TEX14: variants seen among roughly 807,000 people sequenced by gnomAD.
TEX14 encodes the protein inactive serine/threonine-protein kinase TEX14.
In TEX14, 168 loss-of-function variants were observed where a neutral mutation model predicts 178.6. That is an observed-to-expected ratio of 0.94 (90% CI 0.83 to 1.07). The LOEUF (loss-of-function observed/expected upper bound fraction) is 1.07, where lower values mean the gene tolerates loss of function less well. Among genes scored for constraint, TEX14 ranks in the 50% least tolerant of loss-of-function variants. TEX14 has a pLI of 0.00. For synonymous variants in TEX14, 626 were observed against 634.1 expected, an observed-to-expected ratio of 0.99 and a Z score of 0.19; for missense variants, 1,730 against 1,753.6, an observed-to-expected ratio of 0.99 and a Z score of 0.24.
intron 1 of TEX14, chr17:58,661,139 G>T (rs755182176): frequency 2.4e-6 from 2 of 842,862 alleles, no homozygotes; most frequent in Non-Finnish European, 4.2e-6. Flanking sequence ...TCTTTGAGAT[G>T]CCATAGCAAC....
chr17:58,577,351 G>A (rs369973084), intron 21 of TEX14, 24 bp downstream of exon 21: 23 of 1,061,528 alleles, frequency 2.2e-5, no homozygotes, highest in Non-Finnish European at 2.7e-5. Context: ...GTTTGAAACT[G>A]CATAAGATAA....
Position 58,673,622 on chromosome 17 carries a change from C to T in TEX14, c.-2+18317G>A, listed in dbSNP as rs547490690. Among the ~76,000 whole-genome samples, 6 of 152,146 alleles carry T rather than the reference C, an allele frequency of 3.9e-5. No individual in the cohort carries two copies. In the South Asian group the frequency reaches 1.0e-3, roughly 26 times the overall value. On this transcript the variant is annotated intron_variant, in intron 1 of 31. Transcript: ENST00000349033. ...ACCCAGGCTGGTTGGAATGCAGTCACGCAATTTCAGCTCACTGCATCCTCA... is the reference window on the plus strand; with the variant it reads ...ACCCAGGCTGGTTGGAATGCAGTCATGCAATTTCAGCTCACTGCATCCTCA...
chr17:58,563,290 C>G (rs2144332622), intron 28 of TEX14, among the ~76,000 whole-genome samples: 1 of 152,140 alleles, frequency 6.6e-6, no homozygotes, highest in Non-Finnish European at 1.5e-5. Context: ...AAATCAGGAA[C>G]AGAGTCAGGT....
At position 58,599,276 on chromosome 17, in the gene TEX14, A is replaced by T. The variant is rs2045368738; in HGVS notation, c.2069T>A (p.Phe690Tyr). Residue 690 changes from phenylalanine to tyrosine, a missense_variant, in exon 14 of 32, where the codon TTT becomes TAT. Phe to Tyr is a conservative substitution (Grantham distance 22, BLOSUM62 3). Coordinates refer to ENST00000349033, the MANE Select transcript of TEX14 (RefSeq NM_031272.5). Reference protein sequence around the residue: ...SSSKAETEYSFDDWDWQNGSL... With the variant: ...SSSKAETEYSYDDWDWQNGSL... The stretch of plus-strand genomic sequence containing the variant: ...ACCGTTTTGCCAGTCCCAGTCATCA[A>T]AAGAGTACTCTGTCTCAGCTTTTGA... 6.2e-7 allele frequency: 1 copy of T among 1,613,442 alleles called. No homozygotes were observed. The highest frequency in any genetic ancestry group is 1.1e-5 in the South Asian group (1 of 91,080).
intron 14 of TEX14, among the ~76,000 whole-genome samples, chr17:58,593,877 C>T (rs1283257696): frequency 2.6e-5 from 4 of 152,122 alleles, no homozygotes; most frequent in Non-Finnish European, 5.9e-5. Context: ...GCTCTGTCAC[C>T]AGGCTGGAGT....
At chr17:58,594,033 C>T (rs1045033693) in intron 14 of TEX14, among the ~76,000 whole-genome samples, 18 of 152,098 alleles carry the variant, frequency 1.2e-4, no homozygotes, top group African/African-American at 4.3e-4. Context: ...CAGGGTTTCA[C>T]CATGTTGGCC....
At chr17:58,646,908 C>T (rs1033735484) in intron 2 of TEX14, among the ~76,000 whole-genome samples, 1 of 141,602 alleles carries the variant, frequency 7.1e-6, no homozygotes, top group Admixed American at 7.1e-5. Flanking sequence ...CAAGCACACT[C>T]TTTTTTTTTT....
chr17:58,582,778 G>C (rs2144401717), intron 19 of TEX14, among the ~76,000 whole-genome samples: 1 of 150,520 alleles, frequency 6.6e-6, no homozygotes, highest in African/African-American at 2.4e-5. Flanking sequence ...TGGCATGGCT[G>C]GTCTCAAACT....
chr17:58,562,592 C>A (rs1320594285), intron 28 of TEX14, among the ~76,000 whole-genome samples: 1 of 152,102 alleles, frequency 6.6e-6, no homozygotes, highest in Non-Finnish European at 1.5e-5. Context: ...GCAACCTCTG[C>A]CTCCCAGGTT....
At position 58,615,338 on chromosome 17, in the gene TEX14, A is replaced by C; in HGVS notation, c.775T>G (p.Trp259Gly). The change falls in exon 8 of 32, where the codon TGG (tryptophan) becomes GGG (glycine). Residue 259 changes from tryptophan (W) to glycine (G), a missense_variant. Transcript: ENST00000349033. The part of the protein sequence containing the change: ...GPYMVMTNLV[W>G]NGSRVTVKEL... ...TTCACTGTGACCCTGCTCCCATTCCACACTAGGCTACAAGGACAGGAAAGA... is the reference window on the plus strand; with the variant it reads ...TTCACTGTGACCCTGCTCCCATTCCCCACTAGGCTACAAGGACAGGAAAGA... 6.3e-7 allele frequency: 1 copy of C among 1,595,302 alleles called. No homozygotes were observed. The highest frequency in any genetic ancestry group is 8.6e-7 in the Non-Finnish European group (1 of 1,163,004).
intron 1 of TEX14, among the ~76,000 whole-genome samples, chr17:58,662,167 A>G (rs1054989512): frequency 1.3e-5 from 2 of 149,282 alleles, no homozygotes; most frequent in Non-Finnish European, 3.0e-5. Context: ...AAAATTACTG[A>G]GTGGCCAGGC....
intron 14 of TEX14, among the ~76,000 whole-genome samples, chr17:58,598,274 A>G (rs2045339002): frequency 6.6e-6 from 1 of 150,558 alleles, no homozygotes; most frequent in Non-Finnish European, 1.5e-5. Context: ...AGATCACGCC[A>G]CTGCACTCCA....
intron 14 of TEX14, among the ~76,000 whole-genome samples, chr17:58,598,183 G>T (rs140002869): frequency 6.6e-6 from 1 of 151,844 alleles, no homozygotes; most frequent in Non-Finnish European, 1.5e-5. Context: ...GCATGGTGGC[G>T]CATGACTGTA....
At position 58,585,740 on chromosome 17, in the gene TEX14, C is replaced by T. The variant is rs56116447; in HGVS notation, c.3070+61G>A. The T allele has an allele frequency of 2.1e-3, 3,222 of 1,570,468 alleles. 64 individuals carry two copies. In the African/African-American group the frequency reaches 0.036, roughly 17 times the overall value. On this transcript the variant is annotated intron_variant, in intron 18 of 31. Coordinates refer to ENST00000349033, the MANE Select transcript of TEX14 (RefSeq NM_031272.5). The stretch of plus-strand genomic sequence containing the variant: ...AAAGTGCTGGAATTACAGGCTGAGC[C>T]ACCTCGCCCGACTGATACTTGATTG...
At chr17:58,587,748 A>G (rs2045013049) in intron 16 of TEX14, 82 bp from the exon 17 acceptor site, 2 of 1,209,030 alleles carry the variant, frequency 1.7e-6, no homozygotes, top group Admixed American at 3.8e-5. Flanking sequence ...TGACAGAACC[A>G]AAAGCCCACC....
At chr17:58,574,529 A>G (rs1486065677) in intron 21 of TEX14, among the ~76,000 whole-genome samples, 1 of 151,970 alleles carries the variant, frequency 6.6e-6, no homozygotes, top group African/African-American at 2.4e-5. Flanking sequence ...TACAAAAATT[A>G]GCTGGGCTTG....
chr17:58,648,424 T>C (rs751321657), intron 2 of TEX14, among the ~76,000 whole-genome samples: 5 of 152,188 alleles, frequency 3.3e-5, no homozygotes, highest in Non-Finnish European at 7.3e-5. Flanking sequence ...AGTCTACTTG[T>C]GCAAGTGTGA....
Position 58,630,436 on chromosome 17 carries a change from T to C in TEX14, c.251+4A>G. On this transcript the variant is annotated splice_donor_region_variant and intron_variant, in intron 3 of 31. Coordinates refer to ENST00000349033, the MANE Select transcript of TEX14 (RefSeq NM_031272.5). ...TTTCTAGACATCAATATTATTGTAC[T>C]TACTGATTTGGATCTGATCCATAAT... 3.1e-6 allele frequency: 5 copies of C among 1,587,790 alleles called. No homozygotes were observed. Among genetic ancestry groups the C allele is most frequent in the Non-Finnish European group, 4.3e-6 (5 of 1,155,964 alleles).
chr17:58,659,301 G>C (rs77158394), intron 1 of TEX14: 4 of 971,108 alleles, frequency 4.1e-6, no homozygotes, highest in Non-Finnish European at 4.9e-6. Flanking sequence ...CCGCCACAAA[G>C]ACATTATTTA....
Sources: allele counts gnomAD v4.1 joint callset (sites outside exome capture counted in the v4.1 genomes callset), GRCh38; gene constraint gnomAD v4.1.1; transcripts MANE v1.5; gene names NCBI Gene and HGNC (gene_info 2026-07-23, HGNC 2026-07-21).